Variants in MEF2B observed in about 807,000 individuals in gnomAD.
The protein encoded by MEF2B is myocyte-specific enhancer factor 2B.
A neutral mutation model predicts 32.2 loss-of-function variants in MEF2B; 15 were observed. The observed-to-expected ratio is 0.47, with a 90% CI of 0.31 to 0.72. The LOEUF is 0.72. Among genes scored for constraint, MEF2B ranks in the 30% least tolerant of loss-of-function variants. MEF2B has a pLI of 0.05. For synonymous variants in MEF2B, 205 were observed against 225.6 expected (o/e 0.91, Z 0.82); for missense variants, 441 against 511.5 (o/e 0.86, Z 1.33).
chr19:19,162,259 C>T (rs2060170094), intron 1 of MEF2B, among the ~76,000 whole-genome samples: 1 of 152,182 alleles, frequency 6.6e-6, no homozygotes, highest in African/African-American at 2.4e-5. Context: ...GCTGGGGCTA[C>T]AAGCGCACAC....
intron 1 of MEF2B, 116 bp from the exon 2 acceptor site, chr19:19,150,880 G>T: frequency 7.8e-7 from 1 of 1,279,352 alleles, no homozygotes; most frequent in African/African-American, 1.5e-5. Context: ...AGATGATGGG[G>T]AAAATCAAGG....
intron 1 of MEF2B, among the ~76,000 whole-genome samples, chr19:19,164,854 C>T (rs2060194249): frequency 6.6e-6 from 1 of 152,184 alleles, no homozygotes; most frequent in South Asian, 2.1e-4. Context: ...AGTGATGTCC[C>T]CTAAGCCACA....
Position 19,147,719 on chromosome 19 carries a change from G to A in MEF2B, c.372C>T (p.Ala124=), listed in dbSNP as rs1448033230. Residue 124 remains alanine (A), a synonymous_variant, in exon 4 of 9, where the codon GCC becomes GCT. Coordinates refer to ENST00000424583, the MANE Select transcript of MEF2B (RefSeq NM_001145785.2). The part of the protein sequence containing the change: ...RRLAGEGGDP[A]LPRPRLYPAA... Reference sequence around the variant, plus strand: ...TTACATACAGCCGGGGTCGGGGCAAGGCCGGATCACCCCCTTCGCCTGCCA... The same window carrying A: ...TTACATACAGCCGGGGTCGGGGCAAAGCCGGATCACCCCCTTCGCCTGCCA... 3.7e-6 allele frequency: 6 copies of A among 1,613,802 alleles called. No individual in the cohort carries two copies. The highest frequency in any genetic ancestry group is 1.1e-5 in the South Asian group (1 of 91,078).
At chr19:19,161,901 G>A (rs1471042627) in intron 1 of MEF2B, among the ~76,000 whole-genome samples, 1 of 151,326 alleles carries the variant, frequency 6.6e-6, no homozygotes, top group Non-Finnish European at 1.5e-5. Context: ...CCTGCCTCCT[G>A]GGTTCAAGCG....
chr19:19,157,108 T>C, intron 1 of MEF2B: 1 of 229,942 alleles, frequency 4.3e-6, no homozygotes, highest in Non-Finnish European at 9.7e-6. Context: ...GATGATGATC[T>C]TGTAAGCTCT....
In MEF2B at chr19:19,146,780, C is replaced by G; in HGVS notation, c.637G>C (p.Gly213Arg). Residue 213 changes from glycine to arginine, a missense_variant, in exon 6 of 9, where the codon GGT (glycine) becomes CGT (arginine). Around this residue, in one of 2 missense-constraint regions of MEF2B, gnomAD observed 326 missense variants for 328.4 expected, o/e 0.99. Coordinates refer to ENST00000424583, the MANE Select transcript of MEF2B (RefSeq NM_001145785.2). ...PTEGRRSDLP[G>R]GLAGPRGGLN... Reference sequence around the variant, plus strand: ...CCCCCTCGGGGCCCAGCCAGGCCACCAGGCAGGTCTGACCTCCGCCCTTCC... The same window carrying G: ...CCCCCTCGGGGCCCAGCCAGGCCACGAGGCAGGTCTGACCTCCGCCCTTCC... The G allele has an allele frequency of 6.2e-7, 1 of 1,614,048 alleles. No individual in the cohort carries two copies. The highest frequency in any genetic ancestry group is 8.5e-7 in the Non-Finnish European group (1 of 1,179,962).
At chr19:19,146,443 T>C in intron 7 of MEF2B, 59 bp from the exon 8 acceptor site, 1 of 1,264,806 alleles carries the variant, frequency 7.9e-7, no homozygotes, top group Non-Finnish European at 1.1e-6. Flanking sequence ...TCTGCAAACC[T>C]AACCACCCCC....
intron 1 of MEF2B, among the ~76,000 whole-genome samples, chr19:19,166,941 C>T (rs994969934): frequency 2.0e-5 from 3 of 151,852 alleles, no homozygotes; most frequent in Admixed American, 6.6e-5. Context: ...CGGTGGCTCA[C>T]GCCTATAATC....
intron 2 of MEF2B, 35 bp from the exon 3 acceptor site, chr19:19,149,464 G>A (rs534444106): frequency 1.9e-6 from 3 of 1,613,006 alleles, no homozygotes; most frequent in South Asian, 2.2e-5. Flanking sequence ...GGGGAGAGAA[G>A]AAGAAGAGAT....
intron 1 of MEF2B, among the ~76,000 whole-genome samples, chr19:19,166,613 G>T (rs1446887520): frequency 2.1e-5 from 2 of 96,366 alleles, no homozygotes; most frequent in East Asian, 6.5e-4. Flanking sequence ...AAAAAAAAAA[G>T]CCAGGCAAGG....
chr19:19,161,522 T>G (rs1465031282), intron 1 of MEF2B, among the ~76,000 whole-genome samples: 1 of 151,664 alleles, frequency 6.6e-6, no homozygotes, highest in African/African-American at 2.4e-5. Context: ...ACACATCCTA[T>G]TCCCTCTGCA....
At position 19,147,291 on chromosome 19, in the gene MEF2B, G is replaced by T; in HGVS notation, c.394-108C>A. ...AGGGGCCCAGCTCTACCTTCAGGAA[G>T]CCTTTGCTCCACCTCCCACCAGGCT... On this transcript the variant is annotated intron_variant, in intron 4 of 8. Coordinates refer to ENST00000424583, the MANE Select transcript of MEF2B (RefSeq NM_001145785.2). 6 of 928,218 alleles carry T rather than the reference G, an allele frequency of 6.5e-6. 2 individuals are homozygous for T. The highest frequency in any genetic ancestry group is 6.8e-6 in the Non-Finnish European group (5 of 740,184). 57.5% of individuals were successfully genotyped at this position (928,218 alleles called of 1,614,324 possible). A position where few individuals can be genotyped will look rare whatever the true frequency, so the allele number is the denominator to read the frequency against.
intron 1 of MEF2B, among the ~76,000 whole-genome samples, chr19:19,152,773 C>A (rs76244467): frequency 1.3e-5 from 2 of 152,216 alleles, no homozygotes; most frequent in Admixed American, 1.3e-4. Flanking sequence ...CCTGCCCAAG[C>A]GGTCTGGGCA....
chr19:19,154,074 G>A (rs1217966306), intron 1 of MEF2B, among the ~76,000 whole-genome samples: 1 of 151,964 alleles, frequency 6.6e-6, no homozygotes, highest in African/African-American at 2.4e-5. Flanking sequence ...TTCTGAGCTG[G>A]AGGAGGGCTG....
chr19:19,161,426 C>A (rs2060161818), intron 1 of MEF2B, among the ~76,000 whole-genome samples: 1 of 152,070 alleles, frequency 6.6e-6, no homozygotes, highest in Non-Finnish European at 1.5e-5. Flanking sequence ...AAGTATTCCT[C>A]CTGCGAAAGT....
intron 1 of MEF2B, among the ~76,000 whole-genome samples, chr19:19,161,597 CACAG>C (rs2060163665): frequency 6.6e-6 from 1 of 151,942 alleles, no homozygotes; most frequent in Non-Finnish European, 1.5e-5. Context: ...CCCCCAAATG[CACAG>C]ACACATACAG....
At chr19:19,146,107 T>A in intron 8 of MEF2B, 85 bp from the exon 9 acceptor site, 1 of 1,183,372 alleles carries the variant, frequency 8.5e-7, no homozygotes, top group South Asian at 1.8e-5. Context: ...GGCAAAGGCT[T>A]GGCAGGAGGA....
At chr19:19,164,477 C>G (rs1167775330) in intron 1 of MEF2B, among the ~76,000 whole-genome samples, 1 of 152,182 alleles carries the variant, frequency 6.6e-6, no homozygotes, top group African/African-American at 2.4e-5. Context: ...GGTGACCATC[C>G]ATGGCAAACC....
Position 19,160,951 on chromosome 19 carries a change from C to T in MEF2B, c.-30+9254G>A, listed in dbSNP as rs560842666. ...GTGGGGGGGCATGTAGGTGACCTGGCGGCCTGGCTCAGTTCACAGCGGTCC... is the reference window on the plus strand; with the variant it reads ...GTGGGGGGGCATGTAGGTGACCTGGTGGCCTGGCTCAGTTCACAGCGGTCC... On this transcript the variant is annotated intron_variant, in intron 1 of 8. Coordinates refer to ENST00000424583, the MANE Select transcript of MEF2B (RefSeq NM_001145785.2). Among the ~76,000 whole-genome samples the T allele has an allele frequency of 2.6e-4, 40 of 152,198 alleles. 1 individual carries two copies. The highest frequency in any genetic ancestry group is 7.7e-4 in the African/African-American group (32 of 41,526).
Sources: allele counts gnomAD v4.1 joint callset (sites outside exome capture counted in the v4.1 genomes callset), GRCh38; gene constraint gnomAD v4.1.1; regional missense constraint gnomAD v4.1.1; transcripts MANE v1.5; gene names NCBI Gene and HGNC (gene_info 2026-07-23, HGNC 2026-07-21).